The following IZUMO1R variants were observed in gnomAD, a reference collection of about 807,000 sequenced individuals.
The protein encoded by IZUMO1R is sperm-egg fusion protein Juno.
Under a neutral mutation model 22.1 loss-of-function variants are expected in IZUMO1R, and 24 were observed. That is an observed-to-expected ratio of 1.09 (90% CI 0.79 to 1.53). The LOEUF is 1.53. IZUMO1R is among the 40% of genes most tolerant of loss of function. IZUMO1R has a pLI of 0.00. For missense variants in IZUMO1R, 308 were observed against 314.9 expected, an observed-to-expected ratio of 0.98 and a Z score of 0.17; for synonymous variants, 133 against 121.2, an observed-to-expected ratio of 1.10 and a Z score of -0.64.
In IZUMO1R at chr11:94,306,678, A is replaced by G; in HGVS notation, c.304A>G (p.Asn102Asp). Residue 102 changes from asparagine to aspartate, a missense_variant, in exon 3 of 5, where the codon AAC (asparagine) becomes GAC (aspartate). Transcript: ENST00000687084. ...TATCTGCTTCTATGAGTGCTCCCCA[A>G]ACCTGGGGCCCTGGATCCAGCCAGT... ...QAICFYECSP[N>D]LGPWIQPVGS... 1 of 1,613,950 alleles carries G rather than the reference A, an allele frequency of 6.2e-7. No homozygotes were observed. Among genetic ancestry groups the G allele is most frequent in the Non-Finnish European group, 8.5e-7 (1 of 1,179,864 alleles).
In IZUMO1R at chr11:94,304,858, C is replaced by T. The variant is rs955307759; in HGVS notation, c.-28C>T. 9.2e-5 allele frequency among the ~76,000 whole-genome samples: 14 copies of T among 152,146 alleles called. No individual in the cohort carries two copies. The stretch of plus-strand genomic sequence containing the variant: ...TCAGGGGGAGGAGGGAGCAGGAGCA[C>T]CTGAAGGCTCCTGCCTTGAAAGTGA... On this transcript the variant is annotated 5_prime_UTR_variant, in exon 1 of 5. Transcript: ENST00000687084.
chr11:94,306,758 A>G (rs762438058), intron 3 of IZUMO1R, 36 bp downstream of exon 3: 22 of 1,592,702 alleles, frequency 1.4e-5, no homozygotes, highest in Non-Finnish European at 1.8e-5. Context: ...CTGTTATTAT[A>G]TTAACAGCCA....
chr11:94,307,601 C>T lies in IZUMO1R; in HGVS notation c.662C>T (p.Ala221Val), dbSNP rs777796626. Residue 221 changes from alanine to valine, a missense_variant, in exon 5 of 5, where the codon GCC becomes GTC. Coordinates refer to ENST00000687084, the MANE Select transcript of IZUMO1R (RefSeq NM_001199206.4). The stretch of plus-strand genomic sequence containing the variant: ...CCTGCTCAGGGCAACCCCAATGTGG[C>T]CGTGGCCCGCCTCTTCGCCAGCTCT... The part of the protein sequence containing the change: ...FEPAQGNPNV[A>V]VARLFASSAP... 6 of 1,613,862 alleles carry T rather than the reference C, an allele frequency of 3.7e-6. No homozygotes were observed. The South Asian group carries it at 5.5e-5, about 15-fold the overall frequency.
chr11:94,304,744 G>A lies in IZUMO1R; in HGVS notation c.-142G>A, dbSNP rs522504. On this transcript the variant is annotated 5_prime_UTR_variant, in exon 1 of 5. It adds an upstream start codon to the 5' untranslated region. Transcript: ENST00000687084. ...ACAGATGCTGTTTAATGAGAGCCAC[G>A]TGGAGTTCTCCTCCTGCACCTGGAC... 0.041 allele frequency among the ~76,000 whole-genome samples: 6,182 copies of A among 152,118 alleles called. 167 individuals carry two copies. The highest frequency in any genetic ancestry group is 0.06 in the Non-Finnish European group (4,064 of 67,982).
chr11:94,307,387 A>T, intron 4 of IZUMO1R, 37 bp from the exon 5 acceptor site: 1 of 1,612,480 alleles, frequency 6.2e-7, no homozygotes, highest in South Asian at 1.1e-5. Flanking sequence ...GCAATGAGGG[A>T]GTAGGAGGTA....
rs2134630879 is a variant in IZUMO1R at position 94,307,920 on chromosome 11, G to C, written c.*228G>C. Among the ~76,000 whole-genome samples the C allele has an allele frequency of 6.6e-6, 1 of 152,060 alleles. No homozygotes were observed. The highest frequency in any genetic ancestry group is 6.5e-5 in the Admixed American group (1 of 15,302). On this transcript the variant is annotated 3_prime_UTR_variant, in exon 5 of 5. Coordinates refer to ENST00000687084, the MANE Select transcript of IZUMO1R (RefSeq NM_001199206.4). ...CCTGCAACCTGCACATTTGGTCCGA[G>C]ACCCCCTCCACTGCTCTGCTCTATC...
chr11:94,305,491 G>A, intron 1 of IZUMO1R, 140 bp from the exon 2 acceptor site: 1 of 953,862 alleles, frequency 1.0e-6, no homozygotes. Context: ...GCCTCCAAAA[G>A]AAGGTCCTAG....
chr11:94,306,381 C>T, intron 2 of IZUMO1R, 132 bp from the exon 3 acceptor site: 1 of 792,796 alleles, frequency 1.3e-6, no homozygotes, highest in East Asian at 2.4e-5. Context: ...TATGTAGGGG[C>T]TTACTAGCTA....
At chr11:94,307,022 T>C in intron 3 of IZUMO1R, 143 bp from the exon 4 acceptor site, 1 of 1,011,074 alleles carries the variant, frequency 9.9e-7, no homozygotes, top group Non-Finnish European at 1.4e-6. Flanking sequence ...CTTAGCCTCA[T>C]TGGTATTATT....
rs779501445 is a variant in IZUMO1R at position 94,307,231 on chromosome 11, T to C, written c.415T>C (p.Trp139Arg). 2 of 1,606,788 alleles carry C rather than the reference T, an allele frequency of 1.2e-6. No individual in the cohort carries two copies. The highest frequency in any genetic ancestry group is 2.2e-5 in the South Asian group (2 of 89,582). Reference sequence around the variant, plus strand: ...GCTGTGCCAGGAGGACTGTGAGGAGTGGTGGGAAGACTGTCGCATGTCTTA... The same window carrying C: ...GCTGTGCCAGGAGGACTGTGAGGAGCGGTGGGAAGACTGTCGCATGTCTTA... ...VPLCQEDCEEWWEDCRMSYTC... is the reference protein window; with the variant it reads ...VPLCQEDCEERWEDCRMSYTC... Residue 139 changes from tryptophan (W) to arginine (R), a missense_variant, in exon 4 of 5, where the codon TGG becomes CGG. Physicochemically the swap from Trp to Arg is moderately radical, Grantham distance 101 (BLOSUM62 -3). Coordinates refer to ENST00000687084, the MANE Select transcript of IZUMO1R (RefSeq NM_001199206.4).
Position 94,305,660 on chromosome 11 carries a change from G to A in IZUMO1R, c.24G>A (p.Leu8=), listed in dbSNP as rs776447449. 3.1e-6 allele frequency: 5 copies of A among 1,613,270 alleles called. No individual in the cohort carries two copies. Residue 8 remains leucine, a synonymous_variant, in exon 2 of 5, where the codon CTG becomes CTA. Coordinates refer to ENST00000687084, the MANE Select transcript of IZUMO1R (RefSeq NM_001199206.4). MACWWPL[L]LELWTVMPTW... is the part of the protein sequence containing the mutation. ...CCATGGCATGCTGGTGGCCGCTCCT[G>A]CTAGAGCTGTGGACAGTCATGCCCA...
At chr11:94,305,074 T>G (rs923926914) in intron 1 of IZUMO1R, among the ~76,000 whole-genome samples, 195 bp downstream of exon 1, 2 of 152,028 alleles carry the variant, frequency 1.3e-5, no homozygotes, top group African/African-American at 4.8e-5. Context: ...TGTTTGAGGC[T>G]CTTAGACCAG....
intron 2 of IZUMO1R, 114 bp from the exon 3 acceptor site, chr11:94,306,399 C>T (rs1278142537): frequency 2.1e-6 from 2 of 937,928 alleles, no homozygotes; most frequent in Admixed American, 3.5e-5. Flanking sequence ...CTAAAGGCAT[C>T]CCACTTGCTC....
chr11:94,306,902 T>G (rs1285664647), intron 3 of IZUMO1R, among the ~76,000 whole-genome samples, 180 bp downstream of exon 3: 1 of 151,960 alleles, frequency 6.6e-6, no homozygotes, highest in Non-Finnish European at 1.5e-5. Context: ...CTGACAACAG[T>G]GGGATGAGGG....
chr11:94,307,772 AG>A lies in IZUMO1R; in HGVS notation c.*82del. ...CAGGCCATGGCCTACCTCCTTCCTC[AG>A]GCCCTCCCCTAAAAGCAGTGGCATG... On this transcript the variant is annotated 3_prime_UTR_variant, in exon 5 of 5. Transcript: ENST00000687084. 1.4e-6 allele frequency: 2 copies of A among 1,466,504 alleles called. No homozygotes were observed. Among genetic ancestry groups the A allele is most frequent in the South Asian group, 2.5e-5 (2 of 81,340 alleles). 90.8% of individuals were successfully genotyped at this position (1,466,504 alleles called of 1,614,324 possible).
At chr11:94,305,384 C>A (rs1029736607) in intron 1 of IZUMO1R, among the ~76,000 whole-genome samples, 1 of 152,196 alleles carries the variant, frequency 6.6e-6, no homozygotes, top group Non-Finnish European at 1.5e-5. Context: ...CTGACTCATG[C>A]CTCGGCATGC....
At position 94,307,590 on chromosome 11, in the gene IZUMO1R, C is replaced by A. The variant is rs184165851; in HGVS notation, c.651C>A (p.Asn217Lys). Residue 217 changes from asparagine (N) to lysine (K), a missense_variant, in exon 5 of 5, where the codon AAC (asparagine) becomes AAA (lysine). By Grantham distance (94) the Asn-to-Lys change is moderately conservative. Coordinates refer to ENST00000687084, the MANE Select transcript of IZUMO1R (RefSeq NM_001199206.4). ...LQKWFEPAQG[N>K]PNVAVARLFA... is the part of the protein sequence containing the mutation. ...AGTGGTTTGAGCCTGCTCAGGGCAA[C>A]CCCAATGTGGCCGTGGCCCGCCTCT... 1.1e-5 allele frequency: 17 copies of A among 1,613,794 alleles called. No individual in the cohort carries two copies. The highest frequency in any genetic ancestry group is 1.3e-5 in the African/African-American group (1 of 74,942).
Position 94,307,151 on chromosome 11 carries a change from A to G in IZUMO1R, c.349-14A>G. The G allele has an allele frequency of 6.3e-7, 1 of 1,585,466 alleles. No homozygotes were observed. On this transcript the variant is annotated splice_polypyrimidine_tract_variant and intron_variant, in intron 3 of 4. Coordinates refer to ENST00000687084, the MANE Select transcript of IZUMO1R (RefSeq NM_001199206.4). ...GCTATTAATGTTCTAATCTCTGGCT[A>G]TGACTGCACCCAGGTGGCCCCGAGT...
chr11:94,305,513 G>A lies in IZUMO1R; in HGVS notation c.-6-118G>A, dbSNP rs1040751865. 5.8e-6 allele frequency: 7 copies of A among 1,212,394 alleles called. No homozygotes were observed. The African/African-American group carries it at 9.1e-5, about 16-fold the overall frequency. The allele number at this position is 1,212,394 out of a possible 1,614,324, so 75.1% of individuals were successfully genotyped here. The stretch of plus-strand genomic sequence containing the variant: ...AAAGAAGGTCCTAGGAGCAGCCAGA[G>A]TGTTGCAATTATTTGAGGGAGATTG... On this transcript the variant is annotated intron_variant, in intron 1 of 4. Transcript: ENST00000687084.
Sources: allele counts gnomAD v4.1 joint callset (sites outside exome capture counted in the v4.1 genomes callset), GRCh38; gene constraint gnomAD v4.1.1; transcripts MANE v1.5; gene names NCBI Gene and HGNC (gene_info 2026-07-23, HGNC 2026-07-21).